Variants in RNF216 observed in about 807,000 individuals in gnomAD.
The protein encoded by RNF216 is ring finger protein 216, also known as E3 ubiquitin-protein ligase RNF216.
RNF216 carries 72 observed loss-of-function variants against 110.8 expected under a neutral mutation model. That is an observed-to-expected ratio of 0.65 (90% CI 0.54 to 0.79). RNF216 has a LOEUF of 0.79. Ranked by LOEUF, RNF216 falls within the 30% of genes least tolerant of loss-of-function variation. The pLI, the probability that RNF216 is intolerant of heterozygous loss-of-function variation, is 0.00. For missense variants in RNF216, 1,342 were observed against 1,141.2 expected (o/e 1.18, Z -2.54); for synonymous variants, 495 against 407.5 (o/e 1.21, Z -2.59).
intron 3 of RNF216, among the ~76,000 whole-genome samples, chr7:5,742,710 C>T (rs534413077): frequency 1.3e-5 from 2 of 150,722 alleles, no homozygotes; most frequent in Non-Finnish European, 2.9e-5. Context: ...ATTATCCTGC[C>T]ACAGCCTCCC....
At chr7:5,756,239 T>C (rs2128667058) in intron 2 of RNF216, among the ~76,000 whole-genome samples, 1 of 152,310 alleles carries the variant, frequency 6.6e-6, no homozygotes, top group East Asian at 1.9e-4. Context: ...ACAGTAATTT[T>C]CCTGAGGCCT....
At chr7:5,630,966 T>C (rs1267375523) in intron 15 of RNF216, among the ~76,000 whole-genome samples, 1 of 152,122 alleles carries the variant, frequency 6.6e-6, no homozygotes, top group African/African-American at 2.4e-5. Context: ...CAAACCTGAC[T>C]GGGGGCCTGA....
At chr7:5,775,511 A>T (rs2128684458) in intron 1 of RNF216, among the ~76,000 whole-genome samples, 1 of 152,220 alleles carries the variant, frequency 6.6e-6, no homozygotes, top group South Asian at 2.1e-4. Flanking sequence ...CTTCTGCAAC[A>T]GATTTGGGGG....
chr7:5,663,808 G>A (rs1185773996), intron 13 of RNF216, among the ~76,000 whole-genome samples: 1 of 151,986 alleles, frequency 6.6e-6, no homozygotes. Context: ...TGAGACAGAA[G>A]AATCACTTGA....
At chr7:5,648,997 G>A (rs1438985638) in intron 14 of RNF216, among the ~76,000 whole-genome samples, 2 of 152,180 alleles carry the variant, frequency 1.3e-5, no homozygotes, top group African/African-American at 4.8e-5. Context: ...AAAGGTAAGT[G>A]CTATATAAGA....
intron 13 of RNF216, among the ~76,000 whole-genome samples, chr7:5,686,224 TAAAAAAAAAAA>T (rs71971690): frequency 9.0e-6 from 1 of 111,632 alleles, no homozygotes; most frequent in Non-Finnish European, 1.8e-5. Flanking sequence ...ACTCTGTTAT[TAAAAAAAAAAA>T]AAAAAAAAAA....
intron 13 of RNF216, among the ~76,000 whole-genome samples, chr7:5,668,807 G>A (rs1789704659): frequency 6.6e-6 from 1 of 152,164 alleles, no homozygotes; most frequent in Non-Finnish European, 1.5e-5. Context: ...TCATTCTCCT[G>A]GTTCACAAGA....
At chr7:5,716,801 A>G (rs1211511329) in intron 9 of RNF216, 35 bp from the exon 10 acceptor site, 1 of 1,564,992 alleles carries the variant, frequency 6.4e-7, no homozygotes, top group South Asian at 1.2e-5. Flanking sequence ...TCAGACACAA[A>G]TTTAGTAAAA....
intron 13 of RNF216, among the ~76,000 whole-genome samples, chr7:5,678,232 C>G (rs953195863): frequency 2.2e-4 from 34 of 152,214 alleles, no homozygotes; most frequent in Admixed American, 2.2e-3. Flanking sequence ...TAGCTCCTCA[C>G]CAGACCAATA....
intron 5 of RNF216, among the ~76,000 whole-genome samples, chr7:5,739,032 T>G (rs61336279): frequency 4.2e-4 from 64 of 151,926 alleles, no homozygotes; most frequent in African/African-American, 1.4e-3. Flanking sequence ...AGAAAGAAAG[T>G]AGGATGGTGG....
chr7:5,676,670 G>A (rs933724990), intron 13 of RNF216, among the ~76,000 whole-genome samples: 11 of 152,208 alleles, frequency 7.2e-5, no homozygotes, highest in African/African-American at 2.7e-4. Flanking sequence ...AGCAGCTTCC[G>A]GCTGAAAAGT....
chr7:5,760,632 A>G (rs1204269138), intron 2 of RNF216: 1 of 307,668 alleles, frequency 3.3e-6, no homozygotes, highest in African/African-American at 2.2e-5. Flanking sequence ...CATCATGGGA[A>G]GACAAGACTG....
At chr7:5,649,542 G>A (rs1395968568) in intron 14 of RNF216, 1 of 152,042 alleles carries the variant, frequency 6.6e-6, no homozygotes, top group Non-Finnish European at 1.5e-5. Flanking sequence ...ACATCTGGCA[G>A]GATTCTGTTG....
At position 5,641,243 on chromosome 7, in the gene RNF216, T is replaced by G; in HGVS notation, c.2293A>C (p.Asn765His). ...TGTTGGCAGAAATGGTCATATCCATTAATAGAAACTCGACAGAGGTAGCAC... is the reference window on the plus strand; with the variant it reads ...TGTTGGCAGAAATGGTCATATCCATGAATAGAAACTCGACAGAGGTAGCAC... ...QMCYLCRVSI[N>H]GYDHFCQHPR... The change falls in exon 15 of 17, where the codon AAT becomes CAT. Residue 765 changes from asparagine (N) to histidine (H), a missense_variant. Coordinates refer to ENST00000389902, the MANE Select transcript of RNF216 (RefSeq NM_207111.4). The G allele has an allele frequency of 6.2e-7, 1 of 1,614,152 alleles. No individual in the cohort carries two copies. Among genetic ancestry groups the G allele is most frequent in the Non-Finnish European group, 8.5e-7 (1 of 1,180,028 alleles).
rs771216799 is a variant in RNF216, at chr7:5,711,766, G to A, written c.2056C>T (p.Arg686Ter). The part of the protein sequence containing the change: ...KRFSCPNPHC[R>*]KETCRKCQGL... The stretch of plus-strand genomic sequence containing the variant: ...AAAAAAATGTGCCTCCCTACCTTTC[G>A]GCAGTGAGGATTAGGACAGCTGAAC... The change falls in exon 13 of 17, where the codon CGA becomes TGA. Residue 686 changes from arginine to a stop codon, truncating the protein, a stop_gained. Coordinates refer to ENST00000389902, the MANE Select transcript of RNF216 (RefSeq NM_207111.4). LOFTEE classifies it high-confidence loss of function. 2.5e-6 allele frequency: 4 copies of A among 1,612,768 alleles called. No individual in the cohort carries two copies. Among genetic ancestry groups the A allele is most frequent in the Non-Finnish European group, 3.4e-6 (4 of 1,179,496 alleles).
intron 1 of RNF216, among the ~76,000 whole-genome samples, chr7:5,780,461 C>T (rs1333939778): frequency 6.6e-6 from 1 of 152,110 alleles, no homozygotes; most frequent in Non-Finnish European, 1.5e-5. Context: ...CTTTGGGAGG[C>T]CGAGGCGGAG....
intron 3 of RNF216, among the ~76,000 whole-genome samples, chr7:5,744,625 C>A (rs1202503219): frequency 6.6e-6 from 1 of 152,120 alleles, no homozygotes; most frequent in African/African-American, 2.4e-5. Context: ...TACATTGGTT[C>A]TGAAGACTCT....
intron 13 of RNF216, among the ~76,000 whole-genome samples, chr7:5,689,690 C>A (rs887523035): frequency 1.5e-4 from 23 of 152,088 alleles, no homozygotes; most frequent in African/African-American, 5.3e-4. Context: ...TGGTGGCTCA[C>A]GCCTGTAATC....
At chr7:5,693,568 A>G (rs1791460073) in intron 13 of RNF216, among the ~76,000 whole-genome samples, 1 of 152,250 alleles carries the variant, frequency 6.6e-6, no homozygotes, top group Non-Finnish European at 1.5e-5. Flanking sequence ...GGCATGAAGA[A>G]GCCAAGCTTA....
Sources: allele counts gnomAD v4.1 joint callset (sites outside exome capture counted in the v4.1 genomes callset), GRCh38; gene constraint gnomAD v4.1.1; transcripts MANE v1.5; gene names NCBI Gene and HGNC (gene_info 2026-07-23, HGNC 2026-07-21).